GPR89B: variants seen among roughly 807,000 people sequenced by gnomAD.
GPR89B encodes golgi pH regulator B, also known as G protein-coupled receptor 89B.
In GPR89B, 25 loss-of-function variants were observed where a neutral mutation model predicts 52.4. That is an observed-to-expected ratio of 0.48 (90% CI 0.35 to 0.67). The LOEUF (loss-of-function observed/expected upper bound fraction) is 0.67. GPR89B is among the 30% of genes least tolerant of loss of function. The pLI is 0.01. For synonymous variants in GPR89B, 52 were observed against 151.2 expected, an observed-to-expected ratio of 0.34 and a Z score of 4.81; for missense variants, 146 against 450.2, an observed-to-expected ratio of 0.32 and a Z score of 6.11.
At chr1:147,936,556 A>C in intron 1 of GPR89B, 71 bp from the exon 2 acceptor site, 1 of 1,074,454 alleles carries the variant, frequency 9.3e-7, no homozygotes. Context: ...ACCTTTTATC[A>C]TAAAAGAGTT....
the GPR89B span, among the ~76,000 whole-genome samples, chr1:148,018,432 A>AT: frequency 6.7e-6 from 1 of 149,564 alleles, no homozygotes; most frequent in Non-Finnish European, 1.5e-5. Flanking sequence ...AAAAAAAAAA[A>AT]GAAAGAAAAG....
chr1:147,968,928 C>G lies in GPR89B; in HGVS notation c.781C>G (p.Leu261Val). 6.2e-7 allele frequency: 1 copy of G among 1,611,768 alleles called. No homozygotes were observed. Among genetic ancestry groups the G allele is most frequent in the Middle Eastern group, 1.7e-4 (1 of 6,050 alleles). ...TGCTTTGGAAGAATTAAGCAGGCAG[C>G]TTTTTCTGGAAACAGCTGATCTATA... The part of the protein sequence containing the change: ...VDALEELSRQ[L>V]FLETADLYAT... Residue 261 changes from leucine to valine, a missense_variant, in exon 9 of 14, where the codon CTT becomes GTT. Transcript: ENST00000314163.
At chr1:148,013,529 A>G in the GPR89B span, among the ~76,000 whole-genome samples, 1 of 152,072 alleles carries the variant, frequency 6.6e-6, no homozygotes, top group African/African-American at 2.4e-5. Flanking sequence ...CTTCCGCAGG[A>G]GCATTTCCCG....
intron 1 of GPR89B, among the ~76,000 whole-genome samples, chr1:147,933,294 C>G (rs1653801698): frequency 6.6e-6 from 1 of 151,926 alleles, no homozygotes; most frequent in Non-Finnish European, 1.5e-5. Context: ...GCTTTAGCTC[C>G]CATTCATTCT....
intron 10 of GPR89B, among the ~76,000 whole-genome samples, chr1:147,970,946 A>G (rs1324324284): frequency 1.3e-5 from 2 of 151,212 alleles, no homozygotes; most frequent in Non-Finnish European, 2.9e-5. Context: ...GAGCTTTGTC[A>G]GCTTGTTAGT....
At chr1:147,953,049 G>A (rs1328516702) in intron 5 of GPR89B, among the ~76,000 whole-genome samples, 1 of 142,110 alleles carries the variant, frequency 7.0e-6, no homozygotes, top group Non-Finnish European at 1.5e-5. Context: ...TGCTTTGTTA[G>A]CATTCATGCT....
intron 7 of GPR89B, among the ~76,000 whole-genome samples, chr1:147,965,833 T>G (rs1332000679): frequency 1.3e-5 from 2 of 152,030 alleles, no homozygotes; most frequent in Non-Finnish European, 2.9e-5. Flanking sequence ...GTTAGCTGTT[T>G]TTTTTTGTTT....
chr1:147,987,724 G>A (rs1487429633), intron 11 of GPR89B, among the ~76,000 whole-genome samples: 2 of 151,960 alleles, frequency 1.3e-5, no homozygotes, highest in Admixed American at 1.3e-4. Context: ...GTTAGTAATA[G>A]CAGCTCCCTT....
At chr1:147,975,631 A>G (rs1307521175) in intron 10 of GPR89B, among the ~76,000 whole-genome samples, 2 of 152,118 alleles carry the variant, frequency 1.3e-5, no homozygotes, top group African/African-American at 4.8e-5. Context: ...GATTTTTTTG[A>G]AGGGTTTTTC....
At chr1:147,957,280 C>G (rs1402550034) in intron 7 of GPR89B, among the ~76,000 whole-genome samples, 1 of 152,126 alleles carries the variant, frequency 6.6e-6, no homozygotes, top group African/African-American at 2.4e-5. Flanking sequence ...AATTTGAATC[C>G]TTGATCTACA....
downstream of GPR89B, chr1:147,994,114 C>G (rs1281211367): frequency 1.0e-6 from 1 of 985,286 alleles, no homozygotes; most frequent in African/African-American, 1.7e-5. Flanking sequence ...ATAAATTAGC[C>G]GTCTGCAATA....
the GPR89B span, among the ~76,000 whole-genome samples, chr1:148,017,127 C>T: frequency 0.011 from 1,634 of 151,788 alleles, 59 homozygotes; most frequent in African/African-American, 0.038. Context: ...CTGCACCCTC[C>T]GCCTCCTGGG....
chr1:147,997,249 A>C (rs1194493441), downstream of GPR89B, among the ~76,000 whole-genome samples: 3 of 152,164 alleles, frequency 2.0e-5, no homozygotes, highest in Admixed American at 2.0e-4. Flanking sequence ...TTAGATGCCA[A>C]CTTGACTGGA....
chr1:147,939,777 C>A (rs1553248589), intron 3 of GPR89B, among the ~76,000 whole-genome samples: 1 of 151,760 alleles, frequency 6.6e-6, no homozygotes, highest in Non-Finnish European at 1.5e-5. Flanking sequence ...GCAGGAGGAT[C>A]ACTTAAGTGC....
At chr1:148,018,625 G>A in the GPR89B span, among the ~76,000 whole-genome samples, 2 of 151,260 alleles carry the variant, frequency 1.3e-5, no homozygotes, top group African/African-American at 4.9e-5. Flanking sequence ...ATGGTTCAAT[G>A]GCAGAAAAGG....
At chr1:147,991,740 G>A (rs1659086832) in intron 12 of GPR89B, among the ~76,000 whole-genome samples, 1 of 152,112 alleles carries the variant, frequency 6.6e-6, no homozygotes, top group African/African-American at 2.4e-5. Context: ...TTTATATGCT[G>A]GATTATGTTT....
intron 5 of GPR89B, among the ~76,000 whole-genome samples, chr1:147,947,855 G>T (rs587701542): frequency 4.6e-5 from 7 of 151,872 alleles, no homozygotes; most frequent in Non-Finnish European, 1.0e-4. Flanking sequence ...ATGTCTTCTT[G>T]TAAAGGGGTT....
At position 147,983,512 on chromosome 1, in the gene GPR89B, C is replaced by T. The variant is rs1419937717; in HGVS notation, c.910-2687C>T. On this transcript the variant is annotated intron_variant, in intron 10 of 13. Coordinates refer to ENST00000314163, the MANE Select transcript of GPR89B (RefSeq NM_016334.5). Reference sequence around the variant, plus strand: ...ACAAACAACCCCATCAAAAAGTTGGCGAAGGACATGAACAGACACTTCTCA... The same window carrying T: ...ACAAACAACCCCATCAAAAAGTTGGTGAAGGACATGAACAGACACTTCTCA... Among the ~76,000 whole-genome samples the T allele has an allele frequency of 3.3e-5, 5 of 152,072 alleles. No individual in the cohort carries two copies. The East Asian group carries it at 5.8e-4, about 18-fold the overall frequency.
chr1:147,973,254 T>A (rs1186321257), intron 10 of GPR89B, among the ~76,000 whole-genome samples: 2 of 151,878 alleles, frequency 1.3e-5, no homozygotes, highest in African/African-American at 4.8e-5. Context: ...CCACAATGAT[T>A]GAGTTAATGT....
Sources: allele counts gnomAD v4.1 joint callset (sites outside exome capture counted in the v4.1 genomes callset), GRCh38; gene constraint gnomAD v4.1.1; transcripts MANE v1.5; gene names NCBI Gene and HGNC (gene_info 2026-07-23, HGNC 2026-07-21).